The following OR5L2 variants were observed in gnomAD, a reference collection of about 807,000 sequenced individuals.
The protein encoded by OR5L2 is olfactory receptor family 5 subfamily L member 2.
For missense variants in OR5L2, 425 were observed against 365.6 expected (o/e 1.16, Z -1.32); for synonymous variants, 175 against 151.6 (o/e 1.15, Z -1.13).
At position 55,827,966 on chromosome 11, in the gene OR5L2, G is replaced by C. The variant is rs753276481; in HGVS notation, c.748G>C (p.Val250Leu). The change falls in exon 1 of 1, where the codon GTC becomes CTC. Residue 250 changes from valine to leucine, a missense_variant. By Grantham distance (32) the Val-to-Leu change is conservative. Coordinates refer to ENST00000378397, the MANE Select transcript of OR5L2 (RefSeq NM_001004739.1). Reference protein sequence around the residue: ...TCASHLTAITVSHGTILYIYC... With the variant: ...TCASHLTAITLSHGTILYIYC... ...TGCCTCCCACCTCACAGCCATCACT[G>C]TCTCCCATGGAACAATCCTTTACAT... is the stretch of plus-strand genomic sequence containing the variant. 11 of 1,613,672 alleles carry C rather than the reference G, an allele frequency of 6.8e-6. No individual in the cohort carries two copies. Among genetic ancestry groups the C allele is most frequent in the Non-Finnish European group, 9.3e-6 (11 of 1,179,972 alleles).
chr11:55,828,137 TC>T lies in OR5L2; in HGVS notation c.921del (p.Ile309PhefsTer?), dbSNP rs1469788413. ...CAAAGCTCTCAGAAAAGTGATGGGC[TC>T]CAAAATTCACTCCTAGGGAAGATTT... Reference protein sequence around the residue: ...VNKALRKVMGSKIHS With the variant: ...VNKALRKVMGXKIHS On this transcript the variant is annotated frameshift_variant, in exon 1 of 1. Transcript: ENST00000378397. LOFTEE classifies it low-confidence loss of function (END_TRUNC). 6.2e-7 allele frequency: 1 copy of T among 1,605,398 alleles called. No homozygotes were observed. Among genetic ancestry groups the T allele is most frequent in the Admixed American group, 1.7e-5 (1 of 59,448 alleles).
Position 55,828,061 on chromosome 11 carries a change from G to A in OR5L2, c.843G>A (p.Val281=). The change falls in exon 1 of 1, where the codon GTG becomes GTA. Residue 281 remains valine, a synonymous_variant. Coordinates refer to ENST00000378397, the MANE Select transcript of OR5L2 (RefSeq NM_001004739.1). ...DKVATVFYTV[V]IPMLNPLIYS... ...TGGCCACCGTGTTCTACACAGTTGT[G>A]ATTCCCATGCTGAACCCCCTGATCT... is the stretch of plus-strand genomic sequence containing the variant. 20 of 1,613,780 alleles carry A rather than the reference G, an allele frequency of 1.2e-5. No homozygotes were observed. Among genetic ancestry groups the A allele is most frequent in the Non-Finnish European group, 1.6e-5 (19 of 1,179,894 alleles).
chr11:55,827,586 T>C lies in OR5L2; in HGVS notation c.368T>C (p.Phe123Ser), dbSNP rs773710904. The C allele has an allele frequency of 1.9e-6, 3 of 1,613,932 alleles. No individual in the cohort carries two copies. Among genetic ancestry groups the C allele is most frequent in the Non-Finnish European group, 2.5e-6 (3 of 1,180,000 alleles). The change falls in exon 1 of 1, where the codon TTT (phenylalanine) becomes TCT (serine). Residue 123 changes from phenylalanine to serine, a missense_variant. Phe to Ser is a radical substitution (Grantham distance 155). Transcript: ENST00000378397. ...FLLAVMAYDR[F>S]VAICNPLLYM... ...CTGGCCGTGATGGCCTATGACCGCT[T>C]TGTGGCCATCTGTAACCCCCTGCTG...
At position 55,827,854 on chromosome 11, in the gene OR5L2, G is replaced by A. The variant is rs1305219663; in HGVS notation, c.636G>A (p.Met212Ile). Residue 212 changes from methionine (M) to isoleucine (I), a missense_variant, in exon 1 of 1, where the codon ATG (methionine) becomes ATA (isoleucine). Transcript: ENST00000378397. ...CTTTGAATGAGAGTGTTACCATCAT[G>A]ATCATCCTCACCTCCTACCTGCTAA... is the stretch of plus-strand genomic sequence containing the variant. ...VATLNESVTIMIILTSYLLIL... is the reference protein window; with the variant it reads ...VATLNESVTIIIILTSYLLIL... 6.2e-7 allele frequency: 1 copy of A among 1,613,752 alleles called. No homozygotes were observed. The highest frequency in any genetic ancestry group is 1.3e-5 in the African/African-American group (1 of 74,752).
chr11:55,827,990 AT>A lies in OR5L2; in HGVS notation c.775del (p.Tyr259IlefsTer23). 3 of 1,613,774 alleles carry A rather than the reference AT, an allele frequency of 1.9e-6. No individual in the cohort carries two copies. The highest frequency in any genetic ancestry group is 2.5e-6 in the Non-Finnish European group (3 of 1,179,948). The part of the protein sequence containing the change: ...ITVSHGTILY[I>X]YCRPSSGNSG... ...TGTCTCCCATGGAACAATCCTTTACATTTATTGCAGGCCGAGTTCAGGCAAC... is the reference window on the plus strand; with the variant it reads ...TGTCTCCCATGGAACAATCCTTTACATTATTGCAGGCCGAGTTCAGGCAAC... On this transcript the variant is annotated frameshift_variant, in exon 1 of 1. Transcript: ENST00000378397. LOFTEE classifies it low-confidence loss of function (END_TRUNC).
rs1853901497 is a variant in OR5L2 at position 55,827,404 on chromosome 11, C to T, written c.186C>T (p.Phe62=). 3 of 1,614,016 alleles carry T rather than the reference C, an allele frequency of 1.9e-6. No individual in the cohort carries two copies. The highest frequency in any genetic ancestry group is 2.5e-6 in the Non-Finnish European group (3 of 1,180,000). The change falls in exon 1 of 1, where the codon TTC becomes TTT. Residue 62 remains phenylalanine (F), a synonymous_variant. Transcript: ENST00000378397. ...GGCTCCACACCCCCGTGTACTTTTT[C>T]CTCAGCCACTTGTCCTTTGTAGATT... ...SSRLHTPVYF[F]LSHLSFVDFC...
In OR5L2 at chr11:55,827,222, G is replaced by A. The variant is rs764104996; in HGVS notation, c.4G>A (p.Gly2Ser). ...TAATCCTGCATAAATTGGAGACATG[G>A]GCAAGGAAAACTGCACCACTGTGGC... Reference protein sequence around the residue: MGKENCTTVAEF... With the variant: MSKENCTTVAEF... The change falls in exon 1 of 1, where the codon GGC (glycine) becomes AGC (serine). Residue 2 changes from glycine (G) to serine (S), a missense_variant. Transcript: ENST00000378397. 3.8e-5 allele frequency: 62 copies of A among 1,611,240 alleles called. No homozygotes were observed. Among genetic ancestry groups the A allele is most frequent in the Non-Finnish European group, 4.9e-5 (58 of 1,178,608 alleles).
rs1484449236 is a variant in OR5L2, at chr11:55,827,261, C to T, written c.43C>T (p.Leu15Phe). The T allele has an allele frequency of 1.6e-5, 26 of 1,613,808 alleles. No individual in the cohort carries two copies. Among genetic ancestry groups the T allele is most frequent in the Non-Finnish European group, 2.1e-5 (25 of 1,179,944 alleles). ...CACCACTGTGGCTGAGTTCATTCTC[C>T]TTGGACTATCAGATGTCCCTGAGTT... ...NCTTVAEFIL[L>F]GLSDVPELRV... The change falls in exon 1 of 1, where the codon CTT (leucine) becomes TTT (phenylalanine). Residue 15 changes from leucine to phenylalanine, a missense_variant. Transcript: ENST00000378397.
At position 55,827,759 on chromosome 11, in the gene OR5L2, C is replaced by G. The variant is rs549787976; in HGVS notation, c.541C>G (p.Leu181Val). The change falls in exon 1 of 1, where the codon CTA becomes GTA. Residue 181 changes from leucine (L) to valine (V), a missense_variant. Coordinates refer to ENST00000378397, the MANE Select transcript of OR5L2 (RefSeq NM_001004739.1). ...SNVINHFFCD[L>V]PPLLSLACSD... Reference sequence around the variant, plus strand: ...TGTGATTAACCACTTCTTCTGTGATCTACCCCCTCTCCTAAGTCTTGCTTG... The same window carrying G: ...TGTGATTAACCACTTCTTCTGTGATGTACCCCCTCTCCTAAGTCTTGCTTG... The G allele has an allele frequency of 1.2e-6, 2 of 1,613,812 alleles. No homozygotes were observed. The highest frequency in any genetic ancestry group is 2.2e-5 in the East Asian group (1 of 44,882).
chr11:55,827,655 C>A lies in OR5L2; in HGVS notation c.437C>A (p.Ser146Tyr). The A allele has an allele frequency of 6.2e-7, 1 of 1,613,908 alleles. No homozygotes were observed. Among genetic ancestry groups the A allele is most frequent in the Non-Finnish European group, 8.5e-7 (1 of 1,180,002 alleles). The part of the protein sequence containing the change: ...MSQKLRVELT[S>Y]CCYFCGTVCS... ...CAGAAGCTGCGTGTGGAGCTGACCT[C>A]TTGCTGCTACTTCTGTGGGACGGTG... The change falls in exon 1 of 1, where the codon TCT becomes TAT. Residue 146 changes from serine (S) to tyrosine (Y), a missense_variant. By Grantham distance (144) the Ser-to-Tyr change is moderately radical. Coordinates refer to ENST00000378397, the MANE Select transcript of OR5L2 (RefSeq NM_001004739.1).
In OR5L2 at chr11:55,827,824, G is replaced by A. The variant is rs773360475; in HGVS notation, c.606G>A (p.Val202=). 6.2e-7 allele frequency: 1 copy of A among 1,613,792 alleles called. No individual in the cohort carries two copies. Among genetic ancestry groups the A allele is most frequent in the Non-Finnish European group, 8.5e-7 (1 of 1,179,964 alleles). The stretch of plus-strand genomic sequence containing the variant: ...TGAATGAGACACTGCTGTTCCTGGT[G>A]GCCACTTTGAATGAGAGTGTTACCA... ...VTVNETLLFL[V]ATLNESVTIM... is the part of the protein sequence containing the mutation. The change falls in exon 1 of 1, where the codon GTG becomes GTA. Residue 202 remains valine (V), a synonymous_variant. Coordinates refer to ENST00000378397, the MANE Select transcript of OR5L2 (RefSeq NM_001004739.1).
In OR5L2 at chr11:55,827,980, A is replaced by C. The variant is rs1302857926; in HGVS notation, c.762A>C (p.Thr254=). 6.2e-7 allele frequency: 1 copy of C among 1,613,930 alleles called. No homozygotes were observed. The highest frequency in any genetic ancestry group is 1.7e-5 in the Admixed American group (1 of 60,002). ...CAGCCATCACTGTCTCCCATGGAAC[A>C]ATCCTTTACATTTATTGCAGGCCGA... The part of the protein sequence containing the change: ...HLTAITVSHG[T]ILYIYCRPSS... The change falls in exon 1 of 1, where the codon ACA becomes ACC. Residue 254 remains threonine (T), a synonymous_variant. Coordinates refer to ENST00000378397, the MANE Select transcript of OR5L2 (RefSeq NM_001004739.1).
Position 55,827,646 on chromosome 11 carries a change from A to C in OR5L2, c.428A>C (p.Glu143Ala). ...ACCATGTCTCAGAAGCTGCGTGTGG[A>C]GCTGACCTCTTGCTGCTACTTCTGT... Reference protein sequence around the residue: ...MVTMSQKLRVELTSCCYFCGT... With the variant: ...MVTMSQKLRVALTSCCYFCGT... Residue 143 changes from glutamate (E) to alanine (A), a missense_variant, in exon 1 of 1, where the codon GAG becomes GCG. Glu to Ala is a moderately radical substitution (Grantham distance 107). Transcript: ENST00000378397. 6.2e-7 allele frequency: 1 copy of C among 1,613,754 alleles called. No homozygotes were observed. Among genetic ancestry groups the C allele is most frequent in the Non-Finnish European group, 8.5e-7 (1 of 1,179,978 alleles).
rs144734181 is a variant in OR5L2 at position 55,827,680 on chromosome 11, G to A, written c.462G>A (p.Val154=). Residue 154 remains valine, a synonymous_variant, in exon 1 of 1, where the codon GTG becomes GTA. Coordinates refer to ENST00000378397, the MANE Select transcript of OR5L2 (RefSeq NM_001004739.1). ...LTSCCYFCGT[V]CSLIHSSLAL... ...CTTGCTGCTACTTCTGTGGGACGGT[G>A]TGTTCTCTGATTCACTCGTCCTTAG... 25 of 1,613,682 alleles carry A rather than the reference G, an allele frequency of 1.5e-5. No individual in the cohort carries two copies. Among genetic ancestry groups the A allele is most frequent in the Non-Finnish European group, 1.9e-5 (22 of 1,179,994 alleles).
In OR5L2 at chr11:55,827,943, C is replaced by T; in HGVS notation, c.725C>T (p.Ala242Val). The change falls in exon 1 of 1, where the codon GCC (alanine) becomes GTC (valine). Residue 242 changes from alanine (A) to valine (V), a missense_variant. By Grantham distance (64) the Ala-to-Val change is moderately conservative. Coordinates refer to ENST00000378397, the MANE Select transcript of OR5L2 (RefSeq NM_001004739.1). Reference protein sequence around the residue: ...ESRHKAFSTCASHLTAITVSH... With the variant: ...ESRHKAFSTCVSHLTAITVSH... ...AGGCACAAAGCTTTCTCCACCTGTGCCTCCCACCTCACAGCCATCACTGTC... is the reference window on the plus strand; with the variant it reads ...AGGCACAAAGCTTTCTCCACCTGTGTCTCCCACCTCACAGCCATCACTGTC... The T allele has an allele frequency of 6.2e-7, 1 of 1,613,862 alleles. No individual in the cohort carries two copies. Among genetic ancestry groups the T allele is most frequent in the Non-Finnish European group, 8.5e-7 (1 of 1,179,972 alleles).
In OR5L2 at chr11:55,827,867, T is replaced by A; in HGVS notation, c.649T>A (p.Ser217Thr). 6.2e-7 allele frequency: 1 copy of A among 1,613,920 alleles called. No homozygotes were observed. Residue 217 changes from serine (S) to threonine (T), a missense_variant, in exon 1 of 1, where the codon TCC becomes ACC. Transcript: ENST00000378397. ...TGTTACCATCATGATCATCCTCACCTCCTACCTGCTAATTCTCACCACTAT... is the reference window on the plus strand; with the variant it reads ...TGTTACCATCATGATCATCCTCACCACCTACCTGCTAATTCTCACCACTAT... Reference protein sequence around the residue: ...ESVTIMIILTSYLLILTTILK... With the variant: ...ESVTIMIILTTYLLILTTILK...
In OR5L2 at chr11:55,827,846, A is replaced by G. The variant is rs1205603396; in HGVS notation, c.628A>G (p.Thr210Ala). The change falls in exon 1 of 1, where the codon ACC (threonine) becomes GCC (alanine). Residue 210 changes from threonine to alanine, a missense_variant. By Grantham distance (58) the Thr-to-Ala change is moderately conservative. Transcript: ENST00000378397. Reference sequence around the variant, plus strand: ...GGTGGCCACTTTGAATGAGAGTGTTACCATCATGATCATCCTCACCTCCTA... The same window carrying G: ...GGTGGCCACTTTGAATGAGAGTGTTGCCATCATGATCATCCTCACCTCCTA... ...FLVATLNESV[T>A]IMIILTSYLL... 1.2e-6 allele frequency: 2 copies of G among 1,613,764 alleles called. No individual in the cohort carries two copies. The highest frequency in any genetic ancestry group is 1.7e-6 in the Non-Finnish European group (2 of 1,180,010).
At position 55,828,146 on chromosome 11, in the gene OR5L2, C is replaced by A. The variant is rs764461364; in HGVS notation, c.928C>A (p.His310Asn). Residue 310 changes from histidine to asparagine, a missense_variant, in exon 1 of 1, where the codon CAC (histidine) becomes AAC (asparagine). Physicochemically the swap from His to Asn is moderately conservative, Grantham distance 68. Transcript: ENST00000378397. Reference protein sequence around the residue: ...ALRKVMGSKIHS With the variant: ...ALRKVMGSKINS ...CAGAAAAGTGATGGGCTCCAAAATT[C>A]ACTCCTAGGGAAGATTTTATTCACA... 1.3e-6 allele frequency: 2 copies of A among 1,599,946 alleles called. No homozygotes were observed. The highest frequency in any genetic ancestry group is 1.7e-6 in the Non-Finnish European group (2 of 1,172,850).
Position 55,827,568 on chromosome 11 carries a change from T to G in OR5L2, c.350T>G (p.Val117Gly). The G allele has an allele frequency of 6.2e-7, 1 of 1,613,906 alleles. No homozygotes were observed. The highest frequency in any genetic ancestry group is 8.5e-7 in the Non-Finnish European group (1 of 1,179,978). ...GTCACTGAGGTCTTCCTGCTGGCCGTGATGGCCTATGACCGCTTTGTGGCC... is the reference window on the plus strand; with the variant it reads ...GTCACTGAGGTCTTCCTGCTGGCCGGGATGGCCTATGACCGCTTTGTGGCC... ...CGVTEVFLLA[V>G]MAYDRFVAIC... is the part of the protein sequence containing the mutation. Residue 117 changes from valine to glycine, a missense_variant, in exon 1 of 1, where the codon GTG (valine) becomes GGG (glycine). By Grantham distance (109) the Val-to-Gly change is moderately radical (BLOSUM62 -3). Transcript: ENST00000378397.
Sources: gnomAD v4.1 joint callset for allele counts on GRCh38, gnomAD v4.1.1 for gene constraint, MANE v1.5 for transcripts, NCBI Gene and HGNC (gene_info 2026-07-23, HGNC 2026-07-21) for gene names.